The following TMEM131 variants were observed in gnomAD, a reference collection of about 807,000 sequenced individuals.
TMEM131 encodes the protein 2610524E03Rik.
In TMEM131, 66 loss-of-function variants were observed where a neutral mutation model predicts 211.6. That is an observed-to-expected ratio of 0.31 (90% confidence interval 0.26 to 0.38). The LOEUF (loss-of-function observed/expected upper bound fraction) is 0.38. Among genes scored for constraint, TMEM131 ranks in the 10% least tolerant of loss-of-function variants. The pLI is 1.00. For missense variants in TMEM131, 2,036 were observed against 2,299.3 expected (o/e 0.89, Z 2.34); for synonymous variants, 844 against 841.3 (o/e 1.00, Z -0.06).
intron 3 of TMEM131, among the ~76,000 whole-genome samples, chr2:97,897,757 T>G (rs1229268798): frequency 6.6e-6 from 1 of 152,122 alleles, no homozygotes; most frequent in African/African-American, 2.4e-5. Flanking sequence ...GGACATTCTA[T>G]TCCTCTTTTC....
chr2:97,898,536 T>A (rs1297333517), intron 3 of TMEM131, among the ~76,000 whole-genome samples: 1 of 152,146 alleles, frequency 6.6e-6, no homozygotes, highest in African/African-American at 2.4e-5. Flanking sequence ...CATGCACACA[T>A]GTGCACAAAG....
intron 3 of TMEM131, among the ~76,000 whole-genome samples, chr2:97,902,700 T>A (rs570879808): frequency 1.4e-4 from 21 of 152,298 alleles, no homozygotes; most frequent in African/African-American, 5.1e-4. Flanking sequence ...CCTGGGTGTG[T>A]CTGTGTGGGT....
intron 4 of TMEM131, among the ~76,000 whole-genome samples, chr2:97,863,915 T>A (rs6543185): frequency 1 from 151,725 of 152,312 alleles, 75,597 homozygotes; most frequent in Middle Eastern, 1. Context: ...TTGTAGCGTT[T>A]TATGTACTCC....
At chr2:97,794,905 T>G (rs1375979716) in intron 29 of TMEM131, 25 bp downstream of exon 29, 1 of 1,541,646 alleles carries the variant, frequency 6.5e-7, no homozygotes. Context: ...TGAATGAATA[T>G]GAACCTTGAA....
At chr2:97,802,358 C>CT in intron 24 of TMEM131, 70 bp downstream of exon 24, 1 of 1,183,284 alleles carries the variant, frequency 8.5e-7, no homozygotes, top group Non-Finnish European at 1.2e-6. Flanking sequence ...GCAAATAAGG[C>CT]TTTTTAAGTG....
At chr2:97,992,265 T>C (rs1362023544) in intron 1 of TMEM131, among the ~76,000 whole-genome samples, 1 of 152,242 alleles carries the variant, frequency 6.6e-6, no homozygotes, top group East Asian at 1.9e-4. Context: ...AGAAAACTAT[T>C]AGATTCTTAT....
Position 97,832,004 on chromosome 2 carries a change from C to CAAAAAAAAAAAAAA in TMEM131, c.1074+1347_1074+1360dup, listed in dbSNP as rs770432398. Among the ~76,000 whole-genome samples, 4 of 60,270 alleles carry CAAAAAAAAAAAAAA rather than the reference C, an allele frequency of 6.6e-5. 2 individuals are homozygous for CAAAAAAAAAAAAAA. The highest frequency in any genetic ancestry group is 1.4e-4 in the African/African-American group (2 of 14,046). 39.5% of individuals were successfully genotyped at this position (60,270 alleles called of 152,430 possible). A position where few individuals can be genotyped will look rare whatever the true frequency, so the allele number is the denominator to read the frequency against. ...TTTTTATAGTTGTGTAAGTCACTTC[C>CAAAAAAAAAAAAAA]AAAAAAAAAAAAAAAAAAAAAAGCA... On this transcript the variant is annotated intron_variant, in intron 11 of 40. Coordinates refer to ENST00000186436, the MANE Select transcript of TMEM131 (RefSeq NM_015348.2).
intron 11 of TMEM131, among the ~76,000 whole-genome samples, chr2:97,827,022 A>G (rs1284924678): frequency 6.6e-6 from 1 of 151,616 alleles, no homozygotes; most frequent in Non-Finnish European, 1.5e-5. Context: ...GTTCCTCCCA[A>G]GCAATTAAGG....
chr2:97,796,279 T>C lies in TMEM131; in HGVS notation c.3139A>G (p.Lys1047Glu). The change falls in exon 28 of 41, where the codon AAA becomes GAA. Residue 1047 changes from lysine to glutamate, a missense_variant. Physicochemically the swap from Lys to Glu is moderately conservative, Grantham distance 56 (BLOSUM62 1). Coordinates refer to ENST00000186436, the MANE Select transcript of TMEM131 (RefSeq NM_015348.2). ...SGYSCEGYGF[K>E]VVNCQEFTLS... is the part of the protein sequence containing the mutation. ...GTAAACTCTTGACAATTAACAACTT[T>C]AAAGCCATATCCTTCACATGAGTAT... is the stretch of plus-strand genomic sequence containing the variant. 8 of 1,573,654 alleles carry C rather than the reference T, an allele frequency of 5.1e-6. No homozygotes were observed. The highest frequency in any genetic ancestry group is 6.9e-6 in the Non-Finnish European group (8 of 1,158,486).
rs766192287 is a variant in TMEM131, at chr2:97,759,732, G to C, written c.5126C>G (p.Pro1709Arg). The C allele has an allele frequency of 1.9e-6, 3 of 1,613,148 alleles. No homozygotes were observed. The highest frequency in any genetic ancestry group is 2.5e-6 in the Non-Finnish European group (3 of 1,179,542). The part of the protein sequence containing the change: ...DGSDSSGLWS[P>R]VSNPSSPDFT... The stretch of plus-strand genomic sequence containing the variant: ...GTCAGGGCTGCTTGGGTTGCTGACG[G>C]GACTCCACAAACCCGAGCTAAATGT... Residue 1709 changes from proline (P) to arginine (R), a missense_variant, in exon 39 of 41, where the codon CCC (proline) becomes CGC (arginine). Physicochemically the swap from Pro to Arg is moderately radical, Grantham distance 103 (BLOSUM62 -2). This residue lies in a region of TMEM131 where 1,623 missense variants were observed against 1,805.9 expected (regional missense o/e 0.90). Transcript: ENST00000186436.
chr2:97,871,697 G>A (rs1324758525), intron 4 of TMEM131, among the ~76,000 whole-genome samples: 1 of 152,086 alleles, frequency 6.6e-6, no homozygotes, highest in Non-Finnish European at 1.5e-5. Context: ...TCATTCCCTA[G>A]CCCCCTGCCC....
chr2:97,918,931 GTGTT>G (rs1676624365), intron 2 of TMEM131, among the ~76,000 whole-genome samples: 1 of 152,210 alleles, frequency 6.6e-6, no homozygotes, highest in African/African-American at 2.4e-5. Context: ...AAGTTCAAAT[GTGTT>G]GGTTGTCTAA....
chr2:97,803,539 C>A (rs995835774), intron 22 of TMEM131, among the ~76,000 whole-genome samples: 2 of 152,196 alleles, frequency 1.3e-5, no homozygotes, highest in Non-Finnish European at 2.9e-5. Flanking sequence ...GGACTAAACG[C>A]TGAAGCATAT....
intron 1 of TMEM131, among the ~76,000 whole-genome samples, chr2:97,982,333 A>G (rs556955839): frequency 6.6e-6 from 1 of 152,256 alleles, no homozygotes; most frequent in Non-Finnish European, 1.5e-5. Context: ...AGAAATGCCT[A>G]TTCAGATCCC....
At chr2:97,826,182 T>C (rs1429074817) in intron 11 of TMEM131, among the ~76,000 whole-genome samples, 1 of 152,200 alleles carries the variant, frequency 6.6e-6, no homozygotes, top group Non-Finnish European at 1.5e-5. Flanking sequence ...GGTTATGCCA[T>C]AGTTAATGAT....
Position 97,927,408 on chromosome 2 carries a change from T to C in TMEM131, c.249+18A>G. 1 of 1,574,860 alleles carries C rather than the reference T, an allele frequency of 6.3e-7. No homozygotes were observed. The highest frequency in any genetic ancestry group is 8.6e-7 in the Non-Finnish European group (1 of 1,161,242). ...ATTCAAGGCTTAACAATAACTTGTCTACTTAAAAAAAAATTACCTGTAGTA... is the reference window on the plus strand; with the variant it reads ...ATTCAAGGCTTAACAATAACTTGTCCACTTAAAAAAAAATTACCTGTAGTA... On this transcript the variant is annotated intron_variant, in intron 2 of 40. Transcript: ENST00000186436.
chr2:97,921,139 G>A (rs943827125), intron 2 of TMEM131, among the ~76,000 whole-genome samples: 10 of 152,100 alleles, frequency 6.6e-5, no homozygotes, highest in Non-Finnish European at 1.3e-4. Context: ...CATTAAAACG[G>A]TGACCCTGGT....
intron 8 of TMEM131, among the ~76,000 whole-genome samples, chr2:97,835,527 A>C (rs775064507): frequency 1.3e-5 from 2 of 152,222 alleles, no homozygotes; most frequent in Non-Finnish European, 2.9e-5. Context: ...TACTGGAAAA[A>C]AAATTTTGAG....
intron 24 of TMEM131, 106 bp from the exon 25 acceptor site, chr2:97,802,067 A>G (rs1681061163): frequency 5.7e-6 from 4 of 703,560 alleles, no homozygotes; most frequent in African/African-American, 3.7e-5. Flanking sequence ...ATTGTCTGTC[A>G]GGTTTTGAGA....
Sources: allele counts gnomAD v4.1 joint callset (sites outside exome capture counted in the v4.1 genomes callset), GRCh38; gene constraint gnomAD v4.1.1; regional missense constraint gnomAD v4.1.1; transcripts MANE v1.5; gene names NCBI Gene and HGNC (gene_info 2026-07-23, HGNC 2026-07-21).